The following CERS4 variants were observed in gnomAD, a reference collection of about 807,000 sequenced individuals.
CERS4 encodes the protein ceramide synthase 4.
A neutral mutation model predicts 51.8 loss-of-function variants in CERS4; 65 were observed. The ratio of observed to expected loss-of-function variants is 1.26; its 90% CI spans 1.03 to 1.54. The LOEUF (loss-of-function observed/expected upper bound fraction) is 1.54. Ranked by LOEUF, CERS4 falls within the 40% of genes most tolerant of loss-of-function variation. The pLI, the probability that CERS4 is intolerant of heterozygous loss-of-function variation, is 0.00. For synonymous variants in CERS4, 228 were observed against 208.4 expected (o/e 1.09, Z -0.81); for missense variants, 563 against 500.4 (o/e 1.13, Z -1.19).
At chr19:8,245,458 A>G (rs1381545290) in intron 2 of CERS4, among the ~76,000 whole-genome samples, 1 of 151,926 alleles carries the variant, frequency 6.6e-6, no homozygotes, top group African/African-American at 2.4e-5. Context: ...TATGTTGTCC[A>G]GGCTGGTCTC....
intron 2 of CERS4, among the ~76,000 whole-genome samples, chr19:8,213,704 G>A (rs542063871): frequency 3.3e-5 from 5 of 152,124 alleles, no homozygotes; most frequent in South Asian, 2.1e-4. Flanking sequence ...GGTGGCTCAC[G>A]CCTGTAATCC....
rs940515636 is a variant in CERS4 at position 8,257,919 on chromosome 19, G to T, written c.782G>T (p.Cys261Phe). The T allele has an allele frequency of 1.6e-5, 26 of 1,613,826 alleles. No homozygotes were observed. Among genetic ancestry groups the T allele is most frequent in the Non-Finnish European group, 2.2e-5 (26 of 1,180,008 alleles). Residue 261 changes from cysteine (C) to phenylalanine (F), a missense_variant, in exon 10 of 12, where the codon TGC (cysteine) becomes TTC (phenylalanine). Cys to Phe is a radical substitution (Grantham distance 205, BLOSUM62 -2). Coordinates refer to ENST00000251363, the MANE Select transcript of CERS4 (RefSeq NM_024552.3). Reference protein sequence around the residue: ...MVNYMQYQQVCDALFLIFSFV... With the variant: ...MVNYMQYQQVFDALFLIFSFV... ...AACTACATGCAGTATCAGCAAGTGT[G>T]CGACGCTCTCTTCCTCATCTTCTCC...
chr19:8,246,329 G>A (rs572920172), intron 2 of CERS4, among the ~76,000 whole-genome samples: 44 of 152,186 alleles, frequency 2.9e-4, no homozygotes, highest in African/African-American at 8.4e-4. Flanking sequence ...AGGCCAAGGC[G>A]GGAGGATCGC....
chr19:8,237,427 T>C (rs1387509406), intron 2 of CERS4, among the ~76,000 whole-genome samples: 2 of 152,042 alleles, frequency 1.3e-5, no homozygotes, highest in Non-Finnish European at 1.5e-5. Context: ...TGGTGGTGGA[T>C]GCCTGTGATC....
intron 2 of CERS4, among the ~76,000 whole-genome samples, chr19:8,221,622 T>G (rs2145180361): frequency 6.6e-6 from 1 of 151,106 alleles, no homozygotes; most frequent in Middle Eastern, 3.4e-3. Context: ...CTTGGCTCAC[T>G]GTAACCTCCA....
chr19:8,241,165 A>T (rs1968522939), intron 2 of CERS4, among the ~76,000 whole-genome samples: 1 of 152,160 alleles, frequency 6.6e-6, no homozygotes, highest in Admixed American at 6.6e-5. Flanking sequence ...AGCTTCCAGC[A>T]GCCTTAGGCA....
intron 2 of CERS4, among the ~76,000 whole-genome samples, chr19:8,246,363 C>T (rs772437795): frequency 2.6e-5 from 4 of 151,684 alleles, no homozygotes; most frequent in Non-Finnish European, 5.9e-5. Context: ...TTGAGACCAG[C>T]CTGGATAACA....
rs548473264 is a variant in CERS4 at position 8,257,130 on chromosome 19, G to A, written c.741+53G>A. Reference sequence around the variant, plus strand: ...CCAGCTGCTGTACCCAGCCCTCCCAGGTGCCCCAGAGATGAGGTCCCATTC... The same window carrying A: ...CCAGCTGCTGTACCCAGCCCTCCCAAGTGCCCCAGAGATGAGGTCCCATTC... On this transcript the variant is annotated intron_variant, in intron 9 of 11. Coordinates refer to ENST00000251363, the MANE Select transcript of CERS4 (RefSeq NM_024552.3). 6.5e-6 allele frequency: 10 copies of A among 1,528,234 alleles called. No homozygotes were observed. In the African/African-American group the frequency reaches 9.7e-5, roughly 15 times the overall value. 94.7% of individuals were successfully genotyped at this position (1,528,234 alleles called of 1,614,324 possible). A position where few individuals can be genotyped will look rare whatever the true frequency, so the allele number is the denominator to read the frequency against.
At chr19:8,248,024 G>A (rs1043969003) in intron 2 of CERS4, among the ~76,000 whole-genome samples, 1 of 151,964 alleles carries the variant, frequency 6.6e-6, no homozygotes, top group Non-Finnish European at 1.5e-5. Flanking sequence ...GTGAGCCACC[G>A]CACCTGGCCT....
intron 2 of CERS4, among the ~76,000 whole-genome samples, chr19:8,242,606 G>C (rs1016526595): frequency 6.6e-6 from 1 of 152,124 alleles, no homozygotes; most frequent in African/African-American, 2.4e-5. Flanking sequence ...AACTGAGCTG[G>C]GTTTTGAAGG....
intron 2 of CERS4, among the ~76,000 whole-genome samples, chr19:8,249,018 T>A (rs566726316): frequency 7.0e-5 from 10 of 143,520 alleles, no homozygotes; most frequent in Non-Finnish European, 9.1e-5. Flanking sequence ...GATGTTTGGA[T>A]GGGTGGATGG....
At chr19:8,242,169 T>C (rs2145251723) in intron 2 of CERS4, among the ~76,000 whole-genome samples, 1 of 152,304 alleles carries the variant, frequency 6.6e-6, no homozygotes, top group East Asian at 1.9e-4. Context: ...TTTGAAGCAT[T>C]GCAGCTAGGA....
At chr19:8,230,343 C>T (rs1487083787) in intron 2 of CERS4, among the ~76,000 whole-genome samples, 1 of 152,066 alleles carries the variant, frequency 6.6e-6, no homozygotes, top group Non-Finnish European at 1.5e-5. Context: ...GCATGTGCCA[C>T]CACGCCTGGC....
intron 2 of CERS4, among the ~76,000 whole-genome samples, chr19:8,245,208 C>A (rs1431952677): frequency 6.7e-6 from 1 of 149,854 alleles, no homozygotes; most frequent in African/African-American, 2.4e-5. Context: ...AGCCACTGCA[C>A]CTGGGTCTAT....
chr19:8,224,180 G>A (rs1458826836), intron 2 of CERS4, among the ~76,000 whole-genome samples: 2 of 151,072 alleles, frequency 1.3e-5, no homozygotes, highest in Admixed American at 6.6e-5. Flanking sequence ...AGGCCAAGGC[G>A]GGCGGATCAC....
chr19:8,229,862 A>C (rs1967938814), intron 2 of CERS4, among the ~76,000 whole-genome samples: 1 of 152,138 alleles, frequency 6.6e-6, no homozygotes, highest in Non-Finnish European at 1.5e-5. Flanking sequence ...ATGTGCCAAC[A>C]CACCCAGCTA....
intron 2 of CERS4, among the ~76,000 whole-genome samples, chr19:8,247,299 C>G (rs957680521): frequency 6.6e-6 from 1 of 152,068 alleles, no homozygotes; most frequent in Non-Finnish European, 1.5e-5. Context: ...GCCACACGGA[C>G]CTCCTCACTG....
At chr19:8,214,880 A>C (rs765839619) in intron 2 of CERS4, among the ~76,000 whole-genome samples, 5 of 145,096 alleles carry the variant, frequency 3.4e-5, no homozygotes, top group Admixed American at 6.9e-5. Context: ...GAAGCAGAGG[A>C]GATGAAGGGC....
At chr19:8,240,616 T>TGTGTGTGTG (rs1324253492) in intron 2 of CERS4, 1 of 51,262 alleles carries the variant, frequency 2.0e-5, no homozygotes, top group Non-Finnish European at 3.7e-5. Flanking sequence ...GTGTGTGTGT[T>TGTGTGTGTG]TTCATCTCTG....
Sources: allele counts gnomAD v4.1 joint callset (sites outside exome capture counted in the v4.1 genomes callset), GRCh38; gene constraint gnomAD v4.1.1; transcripts MANE v1.5; gene names NCBI Gene and HGNC (gene_info 2026-07-23, HGNC 2026-07-21).